FGF14: variants seen among roughly 807,000 people sequenced by gnomAD.
FGF14 encodes fibroblast growth factor 14.
Under a neutral mutation model 25.5 loss-of-function variants are expected in FGF14, and 5 were observed. That is an observed-to-expected ratio of 0.20 (90% CI 0.10 to 0.41). The LOEUF (loss-of-function observed/expected upper bound fraction) is 0.41. FGF14 is among the 10% of genes least tolerant of loss of function. The pLI is 1.00. For missense variants in FGF14, 222 were observed against 320.1 expected, an observed-to-expected ratio of 0.69 and a Z score of 2.34; for synonymous variants, 138 against 118.3, an observed-to-expected ratio of 1.17 and a Z score of -1.08.
intron 1 of FGF14, among the ~76,000 whole-genome samples, chr13:102,398,895 A>AT (rs2058640352): frequency 7.0e-6 from 1 of 143,632 alleles, no homozygotes; most frequent in Non-Finnish European, 1.5e-5. Context: ...TGTATAATAT[A>AT]TAATATATAT....
At chr13:102,352,242 T>C (rs1023842902) in intron 1 of FGF14, among the ~76,000 whole-genome samples, 10 of 137,364 alleles carry the variant, frequency 7.3e-5, no homozygotes, top group East Asian at 4.3e-4. Flanking sequence ...TGTACCTTTA[T>C]ACACACACAC....
rs534381497 is a variant in FGF14, at chr13:101,883,838, G to A, written c.194-8542C>T. Among the ~76,000 whole-genome samples, 40 of 151,774 alleles carry A rather than the reference G, an allele frequency of 2.6e-4. No homozygotes were observed. The South Asian group carries it at 7.1e-3, about 27-fold the overall frequency. ...AGCACTTTGGGAGGCAGAGGCTGGC[G>A]GATCACCTGAGGTCAGGAGTTCAAC... is the stretch of plus-strand genomic sequence containing the variant. On this transcript the variant is annotated intron_variant, in intron 1 of 4. Transcript: ENST00000376143.
intron 1 of FGF14, among the ~76,000 whole-genome samples, chr13:102,333,196 T>C (rs2056685421): frequency 6.6e-6 from 1 of 152,180 alleles, no homozygotes; most frequent in Non-Finnish European, 1.5e-5. Flanking sequence ...ATGTAATTCA[T>C]GCCAAAAAGT....
At chr13:102,395,904 C>G (rs552596700) in intron 1 of FGF14, among the ~76,000 whole-genome samples, 1 of 152,098 alleles carries the variant, frequency 6.6e-6, no homozygotes, top group Non-Finnish European at 1.5e-5. Context: ...CTTTTGTTCC[C>G]TTCTCTTCAT....
upstream of FGF14, among the ~76,000 whole-genome samples, chr13:101,921,753 T>C (rs992144391): frequency 6.6e-6 from 1 of 152,174 alleles, no homozygotes; most frequent in African/African-American, 2.4e-5. Context: ...CTCCCTTCAC[T>C]TACCACTTGC....
At chr13:101,743,068 G>C (rs1468162896) in intron 3 of FGF14, among the ~76,000 whole-genome samples, 1 of 152,182 alleles carries the variant, frequency 6.6e-6, no homozygotes, top group African/African-American at 2.4e-5. Flanking sequence ...CGCCTTTCCA[G>C]GCTGAACCAA....
chr13:101,882,721 A>G (rs992931286), intron 1 of FGF14, among the ~76,000 whole-genome samples: 1 of 152,148 alleles, frequency 6.6e-6, no homozygotes. Flanking sequence ...ATTTTGGAGC[A>G]AGAATATCAC....
chr13:101,743,882 C>T (rs1161043641), intron 3 of FGF14, among the ~76,000 whole-genome samples: 1 of 151,978 alleles, frequency 6.6e-6, no homozygotes, highest in Non-Finnish European at 1.5e-5. Flanking sequence ...TATTTAAAAG[C>T]TAGAGCACTC....
rs2051442989 is a variant in FGF14 at position 102,238,702 on chromosome 13, G to C, written c.208+162769C>G. 2.0e-5 allele frequency among the ~76,000 whole-genome samples: 3 copies of C among 152,324 alleles called. No homozygotes were observed. The South Asian group carries it at 6.2e-4, about 32-fold the overall frequency. Reference sequence around the variant, plus strand: ...GATATGGCAGACAGCCAGGATCATTGATTCATTTTTAGAGCAAATTAGCTG... The same window carrying C: ...GATATGGCAGACAGCCAGGATCATTCATTCATTTTTAGAGCAAATTAGCTG... On this transcript the variant is annotated intron_variant, in intron 1 of 4. Coordinates refer to the FGF14 transcript ENST00000376131.
At position 101,718,239 on chromosome 13, in the gene FGF14, T is replaced by C. The variant is rs2034798230; in HGVS notation, c.*4592A>G. ...ATGTTTGTGTGTATGTGTGTGTTTG[T>C]GTGTGTATGTGTGGTTTTGATGCCA... On this transcript the variant is annotated 3_prime_UTR_variant, in exon 5 of 5. Transcript: ENST00000376143. 1 of 152,164 alleles carries C rather than the reference T, an allele frequency of 6.6e-6. No homozygotes were observed. The highest frequency in any genetic ancestry group is 1.5e-5 in the Non-Finnish European group (1 of 68,010). The allele number at this position is 152,164 out of a possible 1,614,324, so 9.4% of individuals were successfully genotyped here.
chr13:101,898,641 G>T (rs2031087413), intron 1 of FGF14, among the ~76,000 whole-genome samples: 1 of 151,968 alleles, frequency 6.6e-6, no homozygotes, highest in Non-Finnish European at 1.5e-5. Context: ...TTAAGAAGTA[G>T]GGACCCAAAA....
At chr13:102,131,951 C>CGTCCTTG (rs929998430) in intron 1 of FGF14, among the ~76,000 whole-genome samples, 47 of 152,294 alleles carry the variant, frequency 3.1e-4, no homozygotes, top group African/African-American at 1.1e-3. Flanking sequence ...AGTACTCTTA[C>CGTCCTTG]GTCCTTGTAA....
At chr13:102,093,223 A>G (rs7323809) in intron 1 of FGF14, among the ~76,000 whole-genome samples, 59,055 of 151,964 alleles carry the variant, frequency 0.39, 13,475 homozygotes, top group Non-Finnish European at 0.51. Flanking sequence ...TGCCATGAAT[A>G]CATAAAATAT....
intron 1 of FGF14, among the ~76,000 whole-genome samples, chr13:102,068,008 G>A (rs780168314): frequency 6.6e-6 from 1 of 152,264 alleles, no homozygotes; most frequent in Non-Finnish European, 1.5e-5. Context: ...GTGGCATGAC[G>A]TTTAAAGTGC....
At chr13:102,264,824 A>G (rs989372870) in intron 1 of FGF14, among the ~76,000 whole-genome samples, 4 of 152,090 alleles carry the variant, frequency 2.6e-5, no homozygotes, top group Non-Finnish European at 4.4e-5. Flanking sequence ...GGGTATTAGG[A>G]CAAAATCCCC....
chr13:101,944,590 G>T (rs909112848), intron 1 of FGF14, among the ~76,000 whole-genome samples: 1 of 152,096 alleles, frequency 6.6e-6, no homozygotes, highest in Non-Finnish European at 1.5e-5. Flanking sequence ...TTATACCCAT[G>T]TTCATTGCAG....
chr13:101,932,691 A>T (rs1440722762), intron 1 of FGF14, among the ~76,000 whole-genome samples: 1 of 150,816 alleles, frequency 6.6e-6, no homozygotes, highest in African/African-American at 2.4e-5. Context: ...CCTAAAATGA[A>T]GTTATCTGTC....
At chr13:101,906,657 C>A (rs1382339199) in intron 1 of FGF14, among the ~76,000 whole-genome samples, 1 of 152,086 alleles carries the variant, frequency 6.6e-6, no homozygotes, top group Non-Finnish European at 1.5e-5. Context: ...CCCGGAAAAT[C>A]TCAATGGAAG....
At position 101,718,771 on chromosome 13, in the gene FGF14, TGAAAACCAGGAAAAAAAA is replaced by T. The variant is rs1019343430; in HGVS notation, c.*4042_*4059del. 1 of 148,964 alleles carries T rather than the reference TGAAAACCAGGAAAAAAAA, an allele frequency of 6.7e-6. No homozygotes were observed. Among genetic ancestry groups the T allele is most frequent in the African/African-American group, 2.5e-5 (1 of 40,186 alleles). 9.2% of individuals were successfully genotyped at this position (148,964 alleles called of 1,614,324 possible). ...CAGTAGACATTGGAATTAGACTTAG[TGAAAACCAGGAAAAAAAA>T]AAAAAACTAAAATATAACTCAGCCT... On this transcript the variant is annotated 3_prime_UTR_variant, in exon 5 of 5. Coordinates refer to ENST00000376143, the MANE Select transcript of FGF14 (RefSeq NM_004115.4).
Sources: gnomAD v4.1 joint callset for allele counts (sites outside exome capture counted in the v4.1 genomes callset) on GRCh38, gnomAD v4.1.1 for gene constraint, MANE v1.5 for transcripts, NCBI Gene and HGNC (gene_info 2026-07-23, HGNC 2026-07-21) for gene names.